Variants in FGD2 observed in about 807,000 individuals in gnomAD.
The protein encoded by FGD2 is FYVE, RhoGEF and PH domain-containing protein 2.
In FGD2, 52 loss-of-function variants were observed where a neutral mutation model predicts 75.9. The observed-to-expected ratio is 0.69, with a 90% CI of 0.55 to 0.86. The LOEUF (loss-of-function observed/expected upper bound fraction) is 0.86, where lower values mean the gene tolerates loss of function less well. Among genes scored for constraint, FGD2 ranks in the 40% least tolerant of loss-of-function variants. The pLI is 0.00. For synonymous variants in FGD2, 347 were observed against 348.6 expected, an observed-to-expected ratio of 1.00 and a Z score of 0.05; for missense variants, 790 against 872.0, an observed-to-expected ratio of 0.91 and a Z score of 1.18.
chr6:37,027,370 A>C (rs1040147519), intron 14 of FGD2, 59 bp from the exon 15 acceptor site: 14 of 1,555,280 alleles, frequency 9.0e-6, no homozygotes, highest in African/African-American at 1.4e-5. Context: ...AAGCCCCCAG[A>C]CCAACATCTG....
intron 9 of FGD2, 136 bp from the exon 10 acceptor site, chr6:37,020,405 C>A: frequency 1.2e-6 from 1 of 818,466 alleles, no homozygotes; most frequent in South Asian, 1.7e-5. Flanking sequence ...AGAGAGGTGG[C>A]GAACAAGCTC....
intron 2 of FGD2, among the ~76,000 whole-genome samples, chr6:37,010,461 A>G (rs866413193): frequency 3.9e-5 from 6 of 152,322 alleles, no homozygotes; most frequent in Non-Finnish European, 7.4e-5. Flanking sequence ...CAACACAGGA[A>G]TTTGGTTGGC....
intron 10 of FGD2, 38 bp from the exon 11 acceptor site, chr6:37,020,671 G>C: frequency 6.3e-7 from 1 of 1,578,996 alleles, no homozygotes. Flanking sequence ...ACTGGGAGGG[G>C]CTGATCTCCT....
chr6:37,025,453 C>T, intron 13 of FGD2: 1 of 306,216 alleles, frequency 3.3e-6, no homozygotes, highest in Non-Finnish European at 6.3e-6. Flanking sequence ...AATCAGATGC[C>T]AGTGGCCCGT....
At chr6:37,015,661 G>A in intron 8 of FGD2, 107 bp from the exon 9 acceptor site, 4 of 959,682 alleles carry the variant, frequency 4.2e-6, no homozygotes, top group Non-Finnish European at 6.5e-6. Flanking sequence ...TCAAAGGGGA[G>A]CGGGTCCAGT....
Position 37,028,156 on chromosome 6 carries a change from C to T in FGD2, c.1961C>T (p.Ser654Phe), listed in dbSNP as rs1383109188. 2 of 1,579,160 alleles carry T rather than the reference C, an allele frequency of 1.3e-6. No homozygotes were observed. The highest frequency in any genetic ancestry group is 1.7e-6 in the Non-Finnish European group (2 of 1,161,566). Residue 654 changes from serine to phenylalanine, a missense_variant, in exon 16 of 16, where the codon TCC (serine) becomes TTC (phenylalanine). Physicochemically the swap from Ser to Phe is radical, Grantham distance 155 (BLOSUM62 -2). Coordinates refer to ENST00000274963, the MANE Select transcript of FGD2 (RefSeq NM_173558.4). ...AGCTGGCCCAACGATGGGGACCTGTCCGACTGAGCCACTGCCAGCCGCTCT... is the reference window on the plus strand; with the variant it reads ...AGCTGGCCCAACGATGGGGACCTGTTCGACTGAGCCACTGCCAGCCGCTCT... ...SPSWPNDGDL[S>F]D is the part of the protein sequence containing the mutation.
chr6:37,012,440 G>A (rs939093846), intron 4 of FGD2, among the ~76,000 whole-genome samples: 1 of 151,870 alleles, frequency 6.6e-6, no homozygotes, highest in African/African-American at 2.4e-5. Flanking sequence ...AGCCAGGTTC[G>A]GTGGCTCATG....
At chr6:37,017,007 G>C (rs1360066036) in intron 9 of FGD2, among the ~76,000 whole-genome samples, 1 of 152,134 alleles carries the variant, frequency 6.6e-6, no homozygotes, top group Admixed American at 6.5e-5. Context: ...GCCTTCCAGA[G>C]GTGGTCTTCG....
chr6:37,013,340 G>T (rs1432498823), intron 4 of FGD2: 1 of 765,942 alleles, frequency 1.3e-6, no homozygotes, highest in Non-Finnish European at 1.8e-6. Flanking sequence ...GCACTGAGCA[G>T]TTACTGAACA....
intron 9 of FGD2, among the ~76,000 whole-genome samples, chr6:37,017,355 T>C (rs1765347789): frequency 6.6e-6 from 1 of 152,194 alleles, no homozygotes; most frequent in Admixed American, 6.5e-5. Context: ...TTTTTAAACA[T>C]GAGAAAACCA....
In FGD2 at chr6:37,025,755, G is replaced by C. The variant is rs767045051; in HGVS notation, c.1459-37G>C. 1.9e-6 allele frequency: 3 copies of C among 1,612,012 alleles called. No homozygotes were observed. The Admixed American group carries it at 5.0e-5, about 27-fold the overall frequency. ...GCAGGAGCCCAGCCCTCCGGTGCCT[G>C]GTCTCAGCCCCATGCCCCCTTATGT... On this transcript the variant is annotated intron_variant, in intron 13 of 15. Coordinates refer to ENST00000274963, the MANE Select transcript of FGD2 (RefSeq NM_173558.4).
intron 9 of FGD2, among the ~76,000 whole-genome samples, chr6:37,018,794 A>G (rs1458896074): frequency 1.3e-5 from 2 of 152,232 alleles, no homozygotes; most frequent in Non-Finnish European, 2.9e-5. Context: ...TGTTCCAACA[A>G]TATCTAGGTA....
At position 37,011,024 on chromosome 6, in the gene FGD2, G is replaced by T; in HGVS notation, c.352G>T (p.Val118Leu). 1 of 1,614,154 alleles carries T rather than the reference G, an allele frequency of 6.2e-7. No individual in the cohort carries two copies. Among genetic ancestry groups the T allele is most frequent in the Non-Finnish European group, 8.5e-7 (1 of 1,180,022 alleles). The part of the protein sequence containing the change: ...QELLETEQAY[V>L]ARLHLLDQVF... ...GCTGCTGGAGACAGAGCAGGCCTAT[G>T]TGGCGCGCCTCCACCTGCTAGACCA... The change falls in exon 3 of 16, where the codon GTG becomes TTG. Residue 118 changes from valine (V) to leucine (L), a missense_variant. Coordinates refer to ENST00000274963, the MANE Select transcript of FGD2 (RefSeq NM_173558.4).
At chr6:37,015,648 T>G in intron 8 of FGD2, 120 bp from the exon 9 acceptor site, 2 of 849,852 alleles carry the variant, frequency 2.4e-6, no homozygotes, top group South Asian at 1.4e-5. Context: ...GGCCAGAGTG[T>G]GTTCAAAGGG....
intron 4 of FGD2, 134 bp from the exon 5 acceptor site, chr6:37,013,475 C>G (rs149605410): frequency 4.1e-6 from 6 of 1,455,928 alleles, no homozygotes; most frequent in Non-Finnish European, 5.4e-6. Flanking sequence ...ATGACACCCC[C>G]GTACCCCGCC....
chr6:37,015,812 G>A lies in FGD2; in HGVS notation c.1074G>A (p.Val358=). 1 of 1,597,006 alleles carries A rather than the reference G, an allele frequency of 6.3e-7. No individual in the cohort carries two copies. Among genetic ancestry groups the A allele is most frequent in the Admixed American group, 1.8e-5 (1 of 56,858 alleles). The change falls in exon 9 of 16, where the codon GTG becomes GTA. Residue 358 remains valine, a synonymous_variant. Transcript: ENST00000274963. The part of the protein sequence containing the change: ...LLYCVPRVIQ[V]GAQFQVRTRI... ...ACTGTGTGCCCAGGGTGATCCAGGTGGGCGCCCAGTTCCAGGTGAGGACCC... is the reference window on the plus strand; with the variant it reads ...ACTGTGTGCCCAGGGTGATCCAGGTAGGCGCCCAGTTCCAGGTGAGGACCC...
rs757600051 is a variant in FGD2 at position 37,013,631 on chromosome 6, G to A, written c.550G>A (p.Asp184Asn). ...CAGGACAGCTAACCCCCGCATCGGT[G>A]ACGTGATCCAGAAGCTGGCCCCCTT... ...DDWTANPRIGDVIQKLAPFLK... is the reference protein window; with the variant it reads ...DDWTANPRIGNVIQKLAPFLK... The change falls in exon 5 of 16, where the codon GAC becomes AAC. Residue 184 changes from aspartate to asparagine, a missense_variant. Transcript: ENST00000274963. 1 of 1,614,048 alleles carries A rather than the reference G, an allele frequency of 6.2e-7. No individual in the cohort carries two copies. The highest frequency in any genetic ancestry group is 1.3e-5 in the African/African-American group (1 of 75,042).
intron 14 of FGD2, 65 bp from the exon 15 acceptor site, chr6:37,027,364 C>T: frequency 1.3e-6 from 2 of 1,546,298 alleles, no homozygotes; most frequent in African/African-American, 1.4e-5. Flanking sequence ...ATTGTCAAGC[C>T]CCCAGACCAA....
At chr6:37,011,928 G>A (rs1414494894) in intron 4 of FGD2, 74 bp downstream of exon 4, 10 of 1,520,024 alleles carry the variant, frequency 6.6e-6, no homozygotes, top group Admixed American at 2.1e-5. Flanking sequence ...ACCCCAGGGC[G>A]CTAGGTTCAG....
Sources: gnomAD v4.1 joint callset for allele counts (sites outside exome capture counted in the v4.1 genomes callset) on GRCh38, gnomAD v4.1.1 for gene constraint, MANE v1.5 for transcripts, NCBI Gene and HGNC (gene_info 2026-07-23, HGNC 2026-07-21) for gene names.